FAF1: variants seen among roughly 807,000 people sequenced by gnomAD.
The protein encoded by FAF1 is FAS-associated factor 1.
A neutral mutation model predicts 92.5 loss-of-function variants in FAF1; 25 were observed. The observed-to-expected ratio is 0.27, with a 90% confidence interval of 0.20 to 0.38. FAF1 has a LOEUF of 0.38. Among genes scored for constraint, FAF1 ranks in the 10% least tolerant of loss-of-function variants. The pLI, the probability that FAF1 is intolerant of heterozygous loss-of-function variation, is 1.00. For missense variants in FAF1, 636 were observed against 793.3 expected, an observed-to-expected ratio of 0.80 and a Z score of 2.38; for synonymous variants, 234 against 273.2, an observed-to-expected ratio of 0.86 and a Z score of 1.42.
intron 1 of FAF1, among the ~76,000 whole-genome samples, chr1:50,910,271 A>G (rs1478414208): frequency 6.6e-6 from 1 of 152,210 alleles, no homozygotes; most frequent in Non-Finnish European, 1.5e-5. Context: ...CACCCGGCTG[A>G]ATGAGGTGTC....
intron 15 of FAF1, among the ~76,000 whole-genome samples, chr1:50,493,551 T>G (rs1464631925): frequency 6.6e-6 from 1 of 152,228 alleles, no homozygotes; most frequent in African/African-American, 2.4e-5. Context: ...GTACTTTCCC[T>G]TTAAAGCACT....
At position 50,935,506 on chromosome 1, in the gene FAF1, T is replaced by C. The variant is rs1047691167; in HGVS notation, c.45+24261A>G. 7.3e-5 allele frequency among the ~76,000 whole-genome samples: 11 copies of C among 150,634 alleles called. 1 individual carries two copies. Among genetic ancestry groups the C allele is most frequent in the South Asian group, 4.2e-4 (2 of 4,736 alleles). ...TTTTTTTTGAGATGGAGTCTCATTT[T>C]GTCACCCAGACTAGAGTGCAGTAGC... On this transcript the variant is annotated intron_variant, in intron 1 of 18. Transcript: ENST00000396153.
At chr1:50,602,741 A>C (rs904921142) in intron 8 of FAF1, among the ~76,000 whole-genome samples, 12 of 152,056 alleles carry the variant, frequency 7.9e-5, no homozygotes, top group Non-Finnish European at 5.9e-5. Flanking sequence ...ACCTCAAGTG[A>C]TCTGCCCGCC....
chr1:50,725,381 A>G (rs1429787298), intron 6 of FAF1, among the ~76,000 whole-genome samples: 2 of 152,202 alleles, frequency 1.3e-5, no homozygotes, highest in African/African-American at 2.4e-5. Context: ...TAAGAACTCT[A>G]TTCTCGCTTA....
chr1:50,944,731 T>C (rs1557599200), intron 1 of FAF1, among the ~76,000 whole-genome samples: 1 of 152,134 alleles, frequency 6.6e-6, no homozygotes, highest in South Asian at 2.1e-4. Flanking sequence ...GAACAAGAAT[T>C]AAGTCTGAAT....
intron 6 of FAF1, among the ~76,000 whole-genome samples, chr1:50,729,058 A>ATATATATATATATT (rs1375923156): frequency 4.6e-4 from 32 of 70,076 alleles, no homozygotes; most frequent in African/African-American, 1.9e-3. Flanking sequence ...ATATATATAT[A>ATATATATATATATT]TTTTTTTTTT....
intron 18 of FAF1, among the ~76,000 whole-genome samples, chr1:50,466,242 A>C (rs1221928775): frequency 1.3e-5 from 2 of 152,158 alleles, no homozygotes; most frequent in Non-Finnish European, 2.9e-5. Flanking sequence ...GAGTTGGAGA[A>C]AGGAGAGAAA....
chr1:50,799,306 ATTT>A (rs1466417132), intron 3 of FAF1, among the ~76,000 whole-genome samples: 2 of 152,186 alleles, frequency 1.3e-5, no homozygotes, highest in Non-Finnish European at 1.5e-5. Context: ...AAATGTAAAC[ATTT>A]ACCTCTTACA....
At chr1:50,530,290 T>C (rs1421194262) in intron 15 of FAF1, among the ~76,000 whole-genome samples, 2 of 146,816 alleles carry the variant, frequency 1.4e-5, no homozygotes, top group Non-Finnish European at 3.1e-5. Context: ...TATATATGTA[T>C]ATATGTATGA....
At chr1:50,830,520 T>G (rs1240440884) in intron 2 of FAF1, among the ~76,000 whole-genome samples, 1 of 152,228 alleles carries the variant, frequency 6.6e-6, no homozygotes, top group Admixed American at 6.5e-5. Context: ...CAATACAGAC[T>G]GACCATCTCA....
chr1:50,740,509 G>T (rs1416240665), intron 5 of FAF1, among the ~76,000 whole-genome samples: 1 of 152,058 alleles, frequency 6.6e-6, no homozygotes, highest in Admixed American at 6.6e-5. Flanking sequence ...TTAGTTATGT[G>T]TTAAATGAAA....
intron 13 of FAF1, among the ~76,000 whole-genome samples, chr1:50,545,719 A>G (rs1330228967): frequency 6.6e-6 from 1 of 152,276 alleles, no homozygotes; most frequent in Non-Finnish European, 1.5e-5. Context: ...TGAAACTGAT[A>G]CAATTCCTTC....
chr1:50,443,904 G>A (rs1330905238), intron 18 of FAF1, among the ~76,000 whole-genome samples: 1 of 152,028 alleles, frequency 6.6e-6, no homozygotes, highest in Non-Finnish European at 1.5e-5. Flanking sequence ...CCCAGCAAGA[G>A]TGCCCCCCCT....
intron 1 of FAF1, among the ~76,000 whole-genome samples, chr1:50,911,452 C>T (rs1332756983): frequency 6.6e-6 from 1 of 150,898 alleles, no homozygotes; most frequent in Non-Finnish European, 1.5e-5. Context: ...TCCCAGCACT[C>T]TGGGAGGCCA....
intron 2 of FAF1, among the ~76,000 whole-genome samples, chr1:50,805,453 A>G (rs139595903): frequency 3.3e-4 from 50 of 152,322 alleles, no homozygotes; most frequent in Admixed American, 1.1e-3. Flanking sequence ...GTGGAAGCCA[A>G]TGTCAGAGAT....
At chr1:50,589,582 A>G (rs1293554404) in intron 9 of FAF1, among the ~76,000 whole-genome samples, 1 of 152,182 alleles carries the variant, frequency 6.6e-6, no homozygotes, top group Admixed American at 6.5e-5. Context: ...CATTGATCCC[A>G]TATCAGATGT....
intron 13 of FAF1, among the ~76,000 whole-genome samples, chr1:50,546,517 C>T (rs935382466): frequency 1.3e-5 from 2 of 152,100 alleles, no homozygotes; most frequent in African/African-American, 4.8e-5. Flanking sequence ...AGGCACGCGC[C>T]ACCACACCTG....
At chr1:50,773,434 C>A (rs1458233853) in intron 4 of FAF1, among the ~76,000 whole-genome samples, 1 of 152,022 alleles carries the variant, frequency 6.6e-6, no homozygotes, top group African/African-American at 2.4e-5. Flanking sequence ...TCTATGTGCC[C>A]GTCAATAGAT....
chr1:50,697,787 TAA>T (rs201261803), intron 7 of FAF1, among the ~76,000 whole-genome samples: 1 of 151,134 alleles, frequency 6.6e-6, no homozygotes, highest in East Asian at 1.9e-4. Context: ...CTTTTTTCTC[TAA>T]AAAAAAAGTT....
Sources: gnomAD v4.1 joint callset for allele counts (sites outside exome capture counted in the v4.1 genomes callset) on GRCh38, gnomAD v4.1.1 for gene constraint, MANE v1.5 for transcripts, NCBI Gene and HGNC (gene_info 2026-07-23, HGNC 2026-07-21) for gene names.